VIPR2: variants seen among roughly 807,000 people sequenced by gnomAD.
VIPR2 encodes the protein vasoactive intestinal peptide receptor 2.
VIPR2 carries 48 observed loss-of-function variants against 58.0 expected under a neutral mutation model. The ratio of observed to expected loss-of-function variants is 0.83; its 90% CI spans 0.66 to 1.05. The LOEUF is 1.05. Among genes scored for constraint, VIPR2 ranks in the 50% least tolerant of loss-of-function variants. VIPR2 has a pLI of 0.00. For missense variants in VIPR2, 534 were observed against 558.0 expected, an observed-to-expected ratio of 0.96 and a Z score of 0.43; for synonymous variants, 243 against 235.2, an observed-to-expected ratio of 1.03 and a Z score of -0.30.
intron 5 of VIPR2, among the ~76,000 whole-genome samples, chr7:159,048,636 T>G (rs1854790124): frequency 6.6e-6 from 1 of 152,250 alleles, no homozygotes; most frequent in Non-Finnish European, 1.5e-5. Context: ...ATCTGACAAC[T>G]TTAATGTATT....
At chr7:159,087,977 A>G (rs897030196) in intron 4 of VIPR2, among the ~76,000 whole-genome samples, 3 of 152,216 alleles carry the variant, frequency 2.0e-5, no homozygotes, top group African/African-American at 4.8e-5. Flanking sequence ...GGCACTCCCT[A>G]TCCTCTCCCT....
rs116554638 is a variant in VIPR2 at position 159,098,361 on chromosome 7, G to A, written c.357+5396C>T. Among the ~76,000 whole-genome samples, 3,353 of 152,238 alleles carry A rather than the reference G, an allele frequency of 0.022. 136 individuals carry two copies. Among genetic ancestry groups the A allele is most frequent in the African/African-American group, 0.077 (3,190 of 41,530 alleles). ...GAGCAGCTGTGGAGGGCAAGGACTG[G>A]GGCCATTGCTCCTTGATACACTGTG... is the stretch of plus-strand genomic sequence containing the variant. On this transcript the variant is annotated intron_variant, in intron 4 of 12. Coordinates refer to ENST00000262178, the MANE Select transcript of VIPR2 (RefSeq NM_003382.5). The surrounding 1 kb of genome is among the most constrained non-coding windows in gnomAD (Gnocchi z 5.2).
At chr7:159,110,150 C>G (rs990852612) in intron 2 of VIPR2, among the ~76,000 whole-genome samples, 2 of 152,166 alleles carry the variant, frequency 1.3e-5, no homozygotes, top group African/African-American at 4.8e-5. Context: ...CATGTACCTT[C>G]TGAATTTTAA....
intron 4 of VIPR2, among the ~76,000 whole-genome samples, chr7:159,085,998 G>A (rs1469940158): frequency 6.6e-6 from 1 of 152,084 alleles, no homozygotes; most frequent in Non-Finnish European, 1.5e-5. Flanking sequence ...AGTAAACCAG[G>A]GACTTCAGTT....
chr7:159,078,476 C>T (rs909250707), intron 4 of VIPR2, among the ~76,000 whole-genome samples: 1 of 152,190 alleles, frequency 6.6e-6, no homozygotes, highest in Non-Finnish European at 1.5e-5. Flanking sequence ...AAGCTGATTT[C>T]CACCAGATCT....
At chr7:159,063,201 G>T (rs912890346) in intron 4 of VIPR2, among the ~76,000 whole-genome samples, 2 of 152,144 alleles carry the variant, frequency 1.3e-5, no homozygotes, top group Non-Finnish European at 2.9e-5. Context: ...GCACTTGTAA[G>T]GGAGGCTAGA....
chr7:159,109,689 T>C, intron 3 of VIPR2, 123 bp downstream of exon 3: 1 of 890,548 alleles, frequency 1.1e-6, no homozygotes, highest in Non-Finnish European at 1.8e-6. Flanking sequence ...AGCTGTTCCC[T>C]GACCCCCAGG....
chr7:159,060,332 T>TCA (rs1373053908), intron 4 of VIPR2, among the ~76,000 whole-genome samples: 5 of 150,648 alleles, frequency 3.3e-5, no homozygotes, highest in African/African-American at 1.2e-4. Context: ...ACCATGACCC[T>TCA]CACCTCATCC....
intron 4 of VIPR2, among the ~76,000 whole-genome samples, chr7:159,070,902 C>T (rs73523930): frequency 5.9e-5 from 9 of 152,106 alleles, no homozygotes; most frequent in Non-Finnish European, 1.3e-4. Flanking sequence ...CTGAAGCACA[C>T]GCAGGTGGGA....
At chr7:159,077,128 G>A (rs1450591763) in intron 4 of VIPR2, among the ~76,000 whole-genome samples, 1 of 152,242 alleles carries the variant, frequency 6.6e-6, no homozygotes, top group African/African-American at 2.4e-5. Context: ...ATCAGTCCAA[G>A]TTTAATGAGA....
intron 3 of VIPR2, among the ~76,000 whole-genome samples, chr7:159,106,965 GT>G (rs1284449093): frequency 3.4e-4 from 52 of 151,564 alleles, no homozygotes; most frequent in African/African-American, 1.2e-3. Context: ...GGCCAGGGAG[GT>G]GCAGAGAGAG....
intron 4 of VIPR2, among the ~76,000 whole-genome samples, chr7:159,102,316 A>G (rs1858349649): frequency 1.3e-5 from 2 of 152,080 alleles, no homozygotes; most frequent in Non-Finnish European, 2.9e-5. Flanking sequence ...CTTGACTCTG[A>G]TTCTCTCTTT....
chr7:159,109,747 G>T, intron 3 of VIPR2, 65 bp downstream of exon 3: 1 of 1,477,080 alleles, frequency 6.8e-7, no homozygotes, highest in Non-Finnish European at 9.5e-7. Context: ...TTCTTGGATG[G>T]AAAAAATGGA....
At chr7:159,102,013 C>T (rs563480914) in intron 4 of VIPR2, among the ~76,000 whole-genome samples, 3 of 117,054 alleles carry the variant, frequency 2.6e-5, no homozygotes, top group South Asian at 2.7e-4. Flanking sequence ...CGAGATCCGA[C>T]GAGGCAGTTC....
At chr7:159,106,474 A>AAGGGGCAGAGAGAGGCCGGGG (rs1563333503) in intron 3 of VIPR2, among the ~76,000 whole-genome samples, 1 of 43,454 alleles carries the variant, frequency 2.3e-5, no homozygotes, top group South Asian at 9.9e-4. Context: ...AGAGGCCAGG[A>AAGGGGCAGAGAGAGGCCGGGG]AGGGGCAGAG....
chr7:159,034,140 C>T, intron 10 of VIPR2, 73 bp downstream of exon 10: 1 of 1,513,226 alleles, frequency 6.6e-7, no homozygotes, highest in Middle Eastern at 1.8e-4. Flanking sequence ...CAGGGCCTTC[C>T]TGGCAGCGTG....
At chr7:159,070,333 C>T (rs1291536018) in intron 4 of VIPR2, among the ~76,000 whole-genome samples, 1 of 151,966 alleles carries the variant, frequency 6.6e-6, no homozygotes, top group East Asian at 1.9e-4. Context: ...CTCTGGTTCT[C>T]AGCTCTTTTT....
chr7:159,040,515 C>T (rs1391221849), intron 6 of VIPR2, among the ~76,000 whole-genome samples: 1 of 152,208 alleles, frequency 6.6e-6, no homozygotes, highest in Non-Finnish European at 1.5e-5. Context: ...CCGGGACAGC[C>T]CAGGGCCCCA....
At position 159,098,129 on chromosome 7, in the gene VIPR2, T is replaced by G. The variant is rs73527843; in HGVS notation, c.357+5628A>C. On this transcript the variant is annotated intron_variant, in intron 4 of 12. Coordinates refer to ENST00000262178, the MANE Select transcript of VIPR2 (RefSeq NM_003382.5). This position sits in a 1 kb window ranked among gnomAD's most constrained non-coding sequence, Gnocchi z 5.2. ...CTCCCGTCCTCTGCCTGAGCTGTTC[T>G]GTTTTCCACGCAGTGGGAACCCCGG... Among the ~76,000 whole-genome samples, 6,318 of 152,246 alleles carry G rather than the reference T, an allele frequency of 0.041. 428 individuals carry two copies. Among genetic ancestry groups the G allele is most frequent in the African/African-American group, 0.14 (5,964 of 41,522 alleles).
Sources: allele counts gnomAD v4.1 joint callset (sites outside exome capture counted in the v4.1 genomes callset), GRCh38; gene constraint gnomAD v4.1.1; non-coding constraint Gnocchi (gnomAD v3.1); transcripts MANE v1.5; gene names NCBI Gene and HGNC (gene_info 2026-07-23, HGNC 2026-07-21).